REV1: variants seen among roughly 807,000 people sequenced by gnomAD.
The protein encoded by REV1 is translesion synthesis protein REV1.
REV1 carries 42 observed loss-of-function variants against 137.4 expected under a neutral mutation model. That is an observed-to-expected ratio of 0.31 (90% CI 0.24 to 0.40). REV1 has a LOEUF of 0.40. Ranked by LOEUF, REV1 falls within the 10% of genes least tolerant of loss-of-function variation. The probability of loss-of-function intolerance (pLI) is 1.00; values close to 1 mark genes in which losing one functional copy is unlikely to be tolerated. For synonymous variants in REV1, 524 were observed against 519.2 expected (o/e 1.01, Z -0.12); for missense variants, 1,282 against 1,490.1 (o/e 0.86, Z 2.30).
intron 8 of REV1, chr2:99,431,826 C>T: frequency 4.1e-6 from 4 of 985,358 alleles, no homozygotes; most frequent in Non-Finnish European, 4.8e-6. Flanking sequence ...TGCAGGGACA[C>T]ACTGTCCTCA....
intron 15 of REV1, 128 bp from the exon 16 acceptor site, chr2:99,406,618 A>ATT: frequency 1.4e-6 from 1 of 716,408 alleles, no homozygotes; most frequent in East Asian, 3.0e-5. Flanking sequence ...AAGGTAAATG[A>ATT]AAGTATTCAA....
rs1356014006 is a variant in REV1, at chr2:99,406,047, G to A, written c.2674C>T (p.Pro892Ser). 5.0e-6 allele frequency: 8 copies of A among 1,613,638 alleles called. No individual in the cohort carries two copies. Among genetic ancestry groups the A allele is most frequent in the Non-Finnish European group, 6.8e-6 (8 of 1,179,926 alleles). The change falls in exon 17 of 23, where the codon CCA becomes TCA. Residue 892 changes from proline (P) to serine (S), a missense_variant. By Grantham distance (74) the Pro-to-Ser change is moderately conservative. This residue lies in a region of REV1 where 372 missense variants were observed against 482.3 expected (regional missense o/e 0.77). Coordinates refer to ENST00000258428, the MANE Select transcript of REV1 (RefSeq NM_016316.4). ...GTCGGCAGATGTGCAGGAAAAGGTG[G>A]CAAGAAAGTGCAAGTTCTAGAAGCA... The part of the protein sequence containing the change: ...SSASRTCTFL[P>S]PFPAHLPTSP...
At chr2:99,464,231 TTTC>T (rs1233937167) in intron 2 of REV1, among the ~76,000 whole-genome samples, 1 of 152,218 alleles carries the variant, frequency 6.6e-6, no homozygotes, top group Non-Finnish European at 1.5e-5. Flanking sequence ...TTAAGCTTGA[TTTC>T]AATTATTAGG....
Position 99,424,197 on chromosome 2 carries a change from T to C in REV1, c.1631A>G (p.His544Arg). 6.2e-7 allele frequency: 1 copy of C among 1,614,032 alleles called. No homozygotes were observed. The highest frequency in any genetic ancestry group is 1.3e-5 in the African/African-American group (1 of 75,058). ...PNLQAVPYDFHAYKEVAQTLY... is the reference protein window; with the variant it reads ...PNLQAVPYDFRAYKEVAQTLY... Reference sequence around the variant, plus strand: ...TGTTTGTGCGACTTCCTTATATGCATGAAAATCGTATGGAACAGCTTGAAG... The same window carrying C: ...TGTTTGTGCGACTTCCTTATATGCACGAAAATCGTATGGAACAGCTTGAAG... The change falls in exon 10 of 23, where the codon CAT (histidine) becomes CGT (arginine). Residue 544 changes from histidine to arginine, a missense_variant. His to Arg is a conservative substitution (Grantham distance 29). This residue lies in a region of REV1 where 372 missense variants were observed against 482.3 expected (regional missense o/e 0.77). Coordinates refer to ENST00000258428, the MANE Select transcript of REV1 (RefSeq NM_016316.4).
At chr2:99,488,636 T>C (rs1223729979) in intron 1 of REV1, among the ~76,000 whole-genome samples, 1 of 152,184 alleles carries the variant, frequency 6.6e-6, no homozygotes, top group Admixed American at 6.5e-5. Flanking sequence ...CAGGGAACAA[T>C]ACGCAGCACT....
intron 1 of REV1, among the ~76,000 whole-genome samples, chr2:99,488,842 A>G (rs1473201025): frequency 6.6e-6 from 1 of 152,260 alleles, no homozygotes; most frequent in Admixed American, 6.5e-5. Flanking sequence ...ACAGATACAC[A>G]GAATTACAGA....
Position 99,479,244 on chromosome 2 carries a change from T to C in REV1, c.-11+10573A>G, listed in dbSNP as rs547554755. 1.5e-4 allele frequency among the ~76,000 whole-genome samples: 22 copies of C among 150,900 alleles called. 1 individual carries two copies. The South Asian group carries it at 4.6e-3, about 32-fold the overall frequency. On this transcript the variant is annotated intron_variant, in intron 1 of 22. Transcript: ENST00000258428. Reference sequence around the variant, plus strand: ...TTGGGGGCTGAGGCAGAAGAACTGCTTGAACCAGGGAGTCAGAGGCTGCAG... The same window carrying C: ...TTGGGGGCTGAGGCAGAAGAACTGCCTGAACCAGGGAGTCAGAGGCTGCAG...
At chr2:99,420,622 T>C (rs1271110397) in intron 11 of REV1, among the ~76,000 whole-genome samples, 1 of 152,160 alleles carries the variant, frequency 6.6e-6, no homozygotes, top group African/African-American at 2.4e-5. Context: ...TCTCGGGAAA[T>C]GGAAGTAACA....
intron 3 of REV1, among the ~76,000 whole-genome samples, chr2:99,461,233 T>G (rs1337950016): frequency 6.6e-6 from 1 of 152,212 alleles, no homozygotes; most frequent in Non-Finnish European, 1.5e-5. Flanking sequence ...AGCAACACAC[T>G]CTTCTCTTAC....
intron 1 of REV1, among the ~76,000 whole-genome samples, chr2:99,486,293 G>A (rs943892575): frequency 1.3e-5 from 2 of 152,196 alleles, no homozygotes; most frequent in African/African-American, 2.4e-5. Context: ...ACTTTGGGAG[G>A]CTGAGGCGGG....
chr2:99,459,693 G>A (rs1035615860), intron 3 of REV1, among the ~76,000 whole-genome samples: 2 of 152,172 alleles, frequency 1.3e-5, no homozygotes, highest in Non-Finnish European at 2.9e-5. Flanking sequence ...GTGACAGAGG[G>A]AGACCCTATC....
chr2:99,455,880 G>A (rs1199697650), intron 3 of REV1, among the ~76,000 whole-genome samples: 1 of 152,074 alleles, frequency 6.6e-6, no homozygotes, highest in South Asian at 2.1e-4. Context: ...TAAAGTACTT[G>A]TCCGGGCCCC....
At chr2:99,446,486 T>C (rs1682226564) in intron 4 of REV1, among the ~76,000 whole-genome samples, 1 of 151,988 alleles carries the variant, frequency 6.6e-6, no homozygotes, top group African/African-American at 2.4e-5. Flanking sequence ...TAATGGAAAA[T>C]AGCATTTTCT....
chr2:99,436,338 T>C (rs1171300908), intron 6 of REV1, among the ~76,000 whole-genome samples: 1 of 152,154 alleles, frequency 6.6e-6, no homozygotes, highest in Non-Finnish European at 1.5e-5. Flanking sequence ...CAGGCACTGC[T>C]GTTAAGAGGT....
chr2:99,424,059 A>G (rs1267092211), intron 10 of REV1, 93 bp downstream of exon 10: 1 of 1,316,364 alleles, frequency 7.6e-7, no homozygotes, highest in African/African-American at 1.5e-5. Context: ...AACAAAAGTG[A>G]TCCTGACAAT....
At chr2:99,444,326 G>A (rs960080553) in intron 4 of REV1, among the ~76,000 whole-genome samples, 1 of 152,238 alleles carries the variant, frequency 6.6e-6, no homozygotes, top group Non-Finnish European at 1.5e-5. Flanking sequence ...CACCCACTGT[G>A]CCAGCTGCAC....
intron 3 of REV1, among the ~76,000 whole-genome samples, chr2:99,460,424 C>G (rs1262743747): frequency 6.6e-6 from 1 of 152,146 alleles, no homozygotes; most frequent in African/African-American, 2.4e-5. Context: ...AAAGTCTGCA[C>G]CTTTGGTGCT....
intron 10 of REV1, among the ~76,000 whole-genome samples, chr2:99,422,246 C>A (rs1678782052): frequency 6.6e-6 from 1 of 152,146 alleles, no homozygotes; most frequent in African/African-American, 2.4e-5. Flanking sequence ...TTTAAAAAAT[C>A]ATCTCATAGG....
At chr2:99,406,189 CTT>C (rs1244278272) in intron 16 of REV1, 83 bp from the exon 17 acceptor site, 1 of 1,390,650 alleles carries the variant, frequency 7.2e-7, no homozygotes, top group Non-Finnish European at 9.7e-7. Flanking sequence ...AATAAAAAAA[CTT>C]TATTACTGAT....
Sources: allele counts gnomAD v4.1 joint callset (sites outside exome capture counted in the v4.1 genomes callset), GRCh38; gene constraint gnomAD v4.1.1; regional missense constraint gnomAD v4.1.1; transcripts MANE v1.5; gene names NCBI Gene and HGNC (gene_info 2026-07-23, HGNC 2026-07-21).